The following FNDC8 variants were observed in gnomAD, a reference collection of about 807,000 sequenced individuals.
FNDC8 encodes the protein fibronectin type III domain-containing protein 8.
FNDC8 carries 23 observed loss-of-function variants against 24.8 expected under a neutral mutation model. The ratio of observed to expected loss-of-function variants is 0.93; its 90% CI spans 0.67 to 1.31. The LOEUF is 1.31. FNDC8 is among the 40% of genes most tolerant of loss of function. The probability of loss-of-function intolerance (pLI) is 0.00; values close to 1 mark genes in which losing one functional copy is unlikely to be tolerated. For missense variants in FNDC8, 371 were observed against 398.2 expected, an observed-to-expected ratio of 0.93 and a Z score of 0.58; for synonymous variants, 158 against 165.3, an observed-to-expected ratio of 0.96 and a Z score of 0.34.
At chr17:35,129,713 A>T in intron 3 of FNDC8, 55 bp downstream of exon 3, 1 of 1,582,914 alleles carries the variant, frequency 6.3e-7, no homozygotes, top group Non-Finnish European at 8.6e-7. Context: ...AAAGCCAGGG[A>T]ACCAGGGCTT....
At chr17:35,122,200 A>ATATATG (rs2091831580) in intron 1 of FNDC8, among the ~76,000 whole-genome samples, 1 of 16,588 alleles carries the variant, frequency 6.0e-5, no homozygotes. Context: ...ATATATATAT[A>ATATATG]TATATATAAA....
intron 1 of FNDC8, among the ~76,000 whole-genome samples, chr17:35,122,180 A>T (rs1197285194): frequency 1.5e-4 from 4 of 26,582 alleles, no homozygotes; most frequent in Non-Finnish European, 1.9e-4. Context: ...ATATATATAT[A>T]TATATATATA....
intron 2 of FNDC8, among the ~76,000 whole-genome samples, chr17:35,128,428 A>G (rs1011496455): frequency 3.9e-5 from 6 of 152,250 alleles, no homozygotes; most frequent in African/African-American, 1.2e-4. Context: ...GAAACCAGAC[A>G]GGAGGCAGCA....
In FNDC8 at chr17:35,127,049, C is replaced by T. The variant is rs767473409; in HGVS notation, c.217C>T (p.Leu73=). 1.7e-5 allele frequency: 27 copies of T among 1,579,930 alleles called. No individual in the cohort carries two copies. The African/African-American group carries it at 3.2e-4, about 19-fold the overall frequency. Residue 73 remains leucine, a synonymous_variant, in exon 2 of 4, where the codon CTG becomes TTG. Coordinates refer to ENST00000158009, the MANE Select transcript of FNDC8 (RefSeq NM_017559.4). ...EDDTINLLKP[L]PVEDSDCSSD... is the part of the protein sequence containing the mutation. Reference sequence around the variant, plus strand: ...TCTCCCCTTTTGCTCCAGGAAGCCGCTGCCAGTAGAGGATTCAGACTGCAG... The same window carrying T: ...TCTCCCCTTTTGCTCCAGGAAGCCGTTGCCAGTAGAGGATTCAGACTGCAG...
intron 2 of FNDC8, among the ~76,000 whole-genome samples, chr17:35,127,704 A>G (rs1200005633): frequency 6.6e-6 from 1 of 152,272 alleles, no homozygotes; most frequent in Non-Finnish European, 1.5e-5. Flanking sequence ...ATGTAGAGGT[A>G]GCATGTAAAC....
intron 1 of FNDC8, among the ~76,000 whole-genome samples, chr17:35,123,708 AGCCAGG>A (rs2091838843): frequency 6.6e-6 from 1 of 152,034 alleles, no homozygotes; most frequent in African/African-American, 2.4e-5. Flanking sequence ...ACTGCACTCC[AGCCAGG>A]GGTCTGGGAG....
chr17:35,130,570 C>A lies in FNDC8; in HGVS notation c.*136C>A. ...TGGCAGAGTGGTATGGGCACCCCAC[C>A]CCTGGGCTGGGGCCAAGGCTACATA... On this transcript the variant is annotated 3_prime_UTR_variant, in exon 4 of 4. Coordinates refer to ENST00000158009, the MANE Select transcript of FNDC8 (RefSeq NM_017559.4). 2.1e-6 allele frequency: 2 copies of A among 937,110 alleles called. No homozygotes were observed. The highest frequency in any genetic ancestry group is 3.1e-6 in the Non-Finnish European group (2 of 642,778). The allele number at this position is 937,110 out of a possible 1,614,324, so 58.0% of individuals were successfully genotyped here.
In FNDC8 at chr17:35,130,605, TTC is replaced by T; in HGVS notation, c.*172_*173del. 1.5e-6 allele frequency: 1 copy of T among 669,916 alleles called. No individual in the cohort carries two copies. Among genetic ancestry groups the T allele is most frequent in the Non-Finnish European group, 2.5e-6 (1 of 405,258 alleles). The allele number at this position is 669,916 out of a possible 1,614,324, so 41.5% of individuals were successfully genotyped here. ...GGGCCAAGGCTACATAGGGGCCCCA[TTC>T]ACCTGGAGGCATCTCAGGCCAGGCC... On this transcript the variant is annotated 3_prime_UTR_variant, in exon 4 of 4. Coordinates refer to ENST00000158009, the MANE Select transcript of FNDC8 (RefSeq NM_017559.4).
rs753577714 is a variant in FNDC8 at position 35,127,270 on chromosome 17, C to G, written c.438C>G (p.Ser146=). 3 of 1,614,042 alleles carry G rather than the reference C, an allele frequency of 1.9e-6. No homozygotes were observed. The highest frequency in any genetic ancestry group is 2.2e-5 in the South Asian group (2 of 91,062). Residue 146 remains serine (S), a synonymous_variant, in exon 2 of 4, where the codon TCC becomes TCG. Transcript: ENST00000158009. ...ALGPCPCPSK[S]QMATRGLLDL... ...GCCCCTGCCCATGCCCATCGAAGTCCCAGATGGCCACAAGGGGCCTGCTGG... is the reference window on the plus strand; with the variant it reads ...GCCCCTGCCCATGCCCATCGAAGTCGCAGATGGCCACAAGGGGCCTGCTGG...
At chr17:35,122,735 C>T (rs2091834860) in intron 1 of FNDC8, among the ~76,000 whole-genome samples, 6 of 152,182 alleles carry the variant, frequency 3.9e-5, no homozygotes. Context: ...TTTTCCTCTA[C>T]TTCATTCCAC....
intron 1 of FNDC8, among the ~76,000 whole-genome samples, chr17:35,122,170 A>ATATG (rs2091829714): frequency 3.9e-5 from 1 of 25,712 alleles, no homozygotes; most frequent in Non-Finnish European, 6.4e-5. Context: ...ATATATATAT[A>ATATG]TATATATATA....
intron 2 of FNDC8, chr17:35,129,057 G>A (rs2091860856): frequency 4.6e-6 from 1 of 218,696 alleles, no homozygotes; most frequent in Non-Finnish European, 9.3e-6. Context: ...GTGGGGAGCA[G>A]CTGTAAATAC....
chr17:35,127,334 A>G lies in FNDC8; in HGVS notation c.502A>G (p.Thr168Ala), dbSNP rs750805257. Residue 168 changes from threonine to alanine, a missense_variant, in exon 2 of 4, where the codon ACG becomes GCG. By Grantham distance (58) the Thr-to-Ala change is moderately conservative. Transcript: ENST00000158009. ...TGAGCTGGAGACAGAAACCTCCTCA[A>G]CGCACTCAGAATCTTCTGTGGTTGT... Reference protein sequence around the residue: ...NPELETETSSTHSESSVVVDL... With the variant: ...NPELETETSSAHSESSVVVDL... The G allele has an allele frequency of 3.1e-6, 5 of 1,610,982 alleles. No homozygotes were observed. The highest frequency in any genetic ancestry group is 4.2e-6 in the Non-Finnish European group (5 of 1,178,776).
At chr17:35,124,819 C>T (rs983245994) in intron 1 of FNDC8, among the ~76,000 whole-genome samples, 6 of 151,004 alleles carry the variant, frequency 4.0e-5, no homozygotes, top group African/African-American at 1.2e-4. Flanking sequence ...AGGCTGAGGC[C>T]GGCAAATCAT....
In FNDC8 at chr17:35,130,381, G is replaced by C. The variant is rs370230473; in HGVS notation, c.922G>C (p.Gly308Arg). 1.6e-5 allele frequency: 26 copies of C among 1,613,950 alleles called. No individual in the cohort carries two copies. The South Asian group carries it at 2.7e-4, about 17-fold the overall frequency. ...ACCCCGGCAAAAGATCGTGTCCATC[G>C]GGCCGGAGGAGATGCGGAGGCTGGA... ...KEPRQKIVSI[G>R]PEEMRRLEDL... Residue 308 changes from glycine to arginine, a missense_variant, in exon 4 of 4, where the codon GGG becomes CGG. Transcript: ENST00000158009.
chr17:35,122,210 A>ATATTT (rs1567738668), intron 1 of FNDC8, among the ~76,000 whole-genome samples: 11 of 44,780 alleles, frequency 2.5e-4, no homozygotes, highest in African/African-American at 4.7e-4. Context: ...ATATATATAA[A>ATATTT]TTTTTTTTTT....
chr17:35,127,229 G>C lies in FNDC8; in HGVS notation c.397G>C (p.Glu133Gln). ...FSPMAKNAEN[E>Q]DLALGPCPCP... is the part of the protein sequence containing the mutation. ...CCCAATGGCCAAGAATGCAGAAAATGAGGACCTGGCGCTCGGCCCCTGCCC... is the reference window on the plus strand; with the variant it reads ...CCCAATGGCCAAGAATGCAGAAAATCAGGACCTGGCGCTCGGCCCCTGCCC... The change falls in exon 2 of 4, where the codon GAG (glutamate) becomes CAG (glutamine). Residue 133 changes from glutamate to glutamine, a missense_variant. Physicochemically the swap from Glu to Gln is conservative, Grantham distance 29 (BLOSUM62 2). Coordinates refer to ENST00000158009, the MANE Select transcript of FNDC8 (RefSeq NM_017559.4). The C allele has an allele frequency of 1.2e-6, 2 of 1,613,900 alleles. No individual in the cohort carries two copies.
intron 3 of FNDC8, chr17:35,129,881 A>G (rs1203116331): frequency 3.5e-6 from 5 of 1,413,130 alleles, no homozygotes; most frequent in Non-Finnish European, 4.6e-6. Context: ...GTATTTTTCA[A>G]CATCACTATA....
rs1245380013 is a variant in FNDC8, at chr17:35,130,385, C to T, written c.926C>T (p.Pro309Leu). 2.5e-6 allele frequency: 4 copies of T among 1,614,118 alleles called. No homozygotes were observed. Among genetic ancestry groups the T allele is most frequent in the South Asian group, 2.2e-5 (2 of 91,086 alleles). ...EPRQKIVSIGPEEMRRLEDLE... is the reference protein window; with the variant it reads ...EPRQKIVSIGLEEMRRLEDLE... Reference sequence around the variant, plus strand: ...CGGCAAAAGATCGTGTCCATCGGGCCGGAGGAGATGCGGAGGCTGGAGGAT... The same window carrying T: ...CGGCAAAAGATCGTGTCCATCGGGCTGGAGGAGATGCGGAGGCTGGAGGAT... The change falls in exon 4 of 4, where the codon CCG becomes CTG. Residue 309 changes from proline to leucine, a missense_variant. Transcript: ENST00000158009.
Sources: allele counts gnomAD v4.1 joint callset (sites outside exome capture counted in the v4.1 genomes callset), GRCh38; gene constraint gnomAD v4.1.1; transcripts MANE v1.5; gene names NCBI Gene and HGNC (gene_info 2026-07-23, HGNC 2026-07-21).